Variants in COL4A2 observed in about 807,000 individuals in gnomAD.
COL4A2 encodes collagen type IV alpha 2 chain, also known as collagen alpha-2(IV) chain.
In COL4A2, 99 loss-of-function variants were observed where a neutral mutation model predicts 200.2. That is an observed-to-expected ratio of 0.49 (90% CI 0.42 to 0.58). The LOEUF (loss-of-function observed/expected upper bound fraction) is 0.58. Among genes scored for constraint, COL4A2 ranks in the 20% least tolerant of loss-of-function variants. The probability of loss-of-function intolerance (pLI) is 0.00; values close to 1 mark genes in which losing one functional copy is unlikely to be tolerated. For missense variants in COL4A2, 1,950 were observed against 2,314.1 expected (o/e 0.84, Z 3.23); for synonymous variants, 897 against 900.6 (o/e 1.00, Z 0.07).
chr13:110,472,850 T>C (rs1262362995), intron 28 of COL4A2, 79 bp from the exon 29 acceptor site: 6 of 1,423,766 alleles, frequency 4.2e-6, no homozygotes, highest in African/African-American at 2.9e-5. Flanking sequence ...TTTTGCTGTT[T>C]CCAGCCTCTT....
chr13:110,431,024 G>A (rs778195128), intron 10 of COL4A2: 53 of 392,482 alleles, frequency 1.4e-4, no homozygotes, highest in Non-Finnish European at 2.4e-4. Flanking sequence ...ATTACAGCAG[G>A]TGAGATACTG....
chr13:110,395,734 C>G (rs529404766), intron 4 of COL4A2, among the ~76,000 whole-genome samples: 1 of 152,250 alleles, frequency 6.6e-6, no homozygotes, highest in South Asian at 2.1e-4. Flanking sequence ...AACTTGAGGT[C>G]AGGAGTTCGA....
chr13:110,497,505 A>G (rs199713274), intron 40 of COL4A2, among the ~76,000 whole-genome samples: 810 of 25,790 alleles, frequency 0.031, no homozygotes, highest in Non-Finnish European at 0.045. Context: ...ATTTAGGTCA[A>G]TCCACCAGCA....
intron 31 of COL4A2, among the ~76,000 whole-genome samples, chr13:110,481,048 C>T (rs4238275): frequency 0.46 from 10,105 of 21,800 alleles, 1,565 homozygotes; most frequent in Middle Eastern, 0.55. Context: ...AGTTCTGTCC[C>T]TCCATTGCTG....
chr13:110,362,474 T>C (rs901661184), intron 4 of COL4A2, among the ~76,000 whole-genome samples: 1 of 143,500 alleles, frequency 7.0e-6, no homozygotes, highest in Non-Finnish European at 1.5e-5. Context: ...CCACCACACC[T>C]GGCTGATTTT....
rs139539739 is a variant in COL4A2 at position 110,354,164 on chromosome 13, G to A, written c.100-3308G>A. Among the ~76,000 whole-genome samples the A allele has an allele frequency of 2.3e-3, 345 of 152,302 alleles. 2 individuals carry two copies. Among genetic ancestry groups the A allele is most frequent in the Middle Eastern group, 0.02 (6 of 294 alleles). Reference sequence around the variant, plus strand: ...AAAATAGCTTGGGAAACAGCAGATGGAGGATATGAGTTGATGCTTTACCCT... The same window carrying A: ...AAAATAGCTTGGGAAACAGCAGATGAAGGATATGAGTTGATGCTTTACCCT... On this transcript the variant is annotated intron_variant, in intron 3 of 47. Coordinates refer to ENST00000360467, the MANE Select transcript of COL4A2 (RefSeq NM_001846.4).
chr13:110,418,038 A>G (rs1433047597), intron 4 of COL4A2, among the ~76,000 whole-genome samples: 1 of 152,036 alleles, frequency 6.6e-6, no homozygotes, highest in Non-Finnish European at 1.5e-5. Context: ...CATCCTTCCC[A>G]GCTCTTGGCG....
chr13:110,469,126 TG>T (rs761469004), intron 27 of COL4A2, 90 bp from the exon 28 acceptor site: 47 of 1,413,678 alleles, frequency 3.3e-5, no homozygotes, highest in Non-Finnish European at 4.0e-5. Context: ...CCCGGTTTCA[TG>T]AGATCCACAT....
intron 4 of COL4A2, among the ~76,000 whole-genome samples, chr13:110,412,938 G>T (rs1458586658): frequency 6.6e-6 from 1 of 152,186 alleles, no homozygotes; most frequent in Admixed American, 6.5e-5. Flanking sequence ...CCCTGATAAT[G>T]CAGGTGATAA....
chr13:110,511,856 A>G, intron 47 of COL4A2, 78 bp from the exon 48 acceptor site: 4 of 1,601,062 alleles, frequency 2.5e-6, no homozygotes, highest in Non-Finnish European at 3.4e-6. Flanking sequence ...ACAAATGCAC[A>G]GAAGAGGGCT....
intron 4 of COL4A2, among the ~76,000 whole-genome samples, chr13:110,361,481 A>C (rs1877511347): frequency 6.6e-6 from 1 of 152,158 alleles, no homozygotes; most frequent in South Asian, 2.1e-4. Context: ...ACACCCCAGC[A>C]CTTGGCTAGC....
Position 110,482,544 on chromosome 13 carries a change from T to C in COL4A2, c.2787T>C (p.Gly929=). 1 of 1,614,146 alleles carries C rather than the reference T, an allele frequency of 6.2e-7. No individual in the cohort carries two copies. Among genetic ancestry groups the C allele is most frequent in the Non-Finnish European group, 8.5e-7 (1 of 1,180,006 alleles). ...ATAGAGGCTCACCTGGGATGGATGG[T>C]TTCCAAGGCATGCCTGGACTCAAAG... ...KGDRGSPGMD[G]FQGMPGLKGR... The change falls in exon 32 of 48, where the codon GGT becomes GGC. Residue 929 remains glycine (G), a synonymous_variant. Coordinates refer to ENST00000360467, the MANE Select transcript of COL4A2 (RefSeq NM_001846.4).
chr13:110,469,591 C>T (rs531740503), intron 28 of COL4A2, among the ~76,000 whole-genome samples: 1 of 152,262 alleles, frequency 6.6e-6, no homozygotes, highest in South Asian at 2.1e-4. Context: ...ACACCTGTCT[C>T]CCAGGTATGT....
intron 3 of COL4A2, among the ~76,000 whole-genome samples, chr13:110,315,169 G>T (rs990087174): frequency 2.6e-5 from 4 of 152,072 alleles, no homozygotes; most frequent in Admixed American, 2.6e-4. Flanking sequence ...GGGGGATAAG[G>T]ATGGCCTGTC....
chr13:110,404,985 C>T (rs1879509045), intron 4 of COL4A2, among the ~76,000 whole-genome samples: 1 of 152,156 alleles, frequency 6.6e-6, no homozygotes, highest in Admixed American at 6.5e-5. Flanking sequence ...CATGATGGTG[C>T]ATGCCTGTAG....
At chr13:110,483,245 C>G (rs1447125636) in intron 32 of COL4A2, among the ~76,000 whole-genome samples, 1 of 152,198 alleles carries the variant, frequency 6.6e-6, no homozygotes, top group Non-Finnish European at 1.5e-5. Context: ...TCTCTAAAAA[C>G]GTAATGACTA....
Position 110,512,455 on chromosome 13 carries a change from G to A in COL4A2, c.*264G>A. On this transcript the variant is annotated 3_prime_UTR_variant, in exon 48 of 48. Transcript: ENST00000360467. ...GCCCTGCTAGACGCACCGCCTGAAG[G>A]CACAGCTAACCACTTCGCACACACC... 1.8e-6 allele frequency: 1 copy of A among 562,278 alleles called. No homozygotes were observed. Among genetic ancestry groups the A allele is most frequent in the South Asian group, 2.3e-5 (1 of 44,346 alleles). The allele number at this position is 562,278 out of a possible 1,614,324, so 34.8% of individuals were successfully genotyped here.
chr13:110,489,630 A>G (rs1883217852), intron 35 of COL4A2, 81 bp from the exon 36 acceptor site: 6 of 1,592,428 alleles, frequency 3.8e-6, no homozygotes, highest in Non-Finnish European at 4.3e-6. Flanking sequence ...CTTGTTAGGA[A>G]TATAACAAAA....
intron 3 of COL4A2, among the ~76,000 whole-genome samples, chr13:110,332,005 A>G (rs918292253): frequency 2.0e-5 from 3 of 152,146 alleles, no homozygotes; most frequent in African/African-American, 7.2e-5. Context: ...CCAATTTATC[A>G]ATTTTTTATG....
Sources: gnomAD v4.1 joint callset for allele counts (sites outside exome capture counted in the v4.1 genomes callset) on GRCh38, gnomAD v4.1.1 for gene constraint, MANE v1.5 for transcripts, NCBI Gene and HGNC (gene_info 2026-07-23, HGNC 2026-07-21) for gene names.